VDR: variants seen among roughly 807,000 people sequenced by gnomAD.
VDR encodes the protein vitamin D3 receptor.
Under a neutral mutation model 39.7 loss-of-function variants are expected in VDR, and 19 were observed. The observed-to-expected ratio is 0.48, with a 90% confidence interval of 0.33 to 0.70. VDR has a LOEUF of 0.70. VDR is among the 30% of genes least tolerant of loss of function. The pLI is 0.02. For synonymous variants in VDR, 242 were observed against 215.8 expected, an observed-to-expected ratio of 1.12 and a Z score of -1.07; for missense variants, 442 against 570.5, an observed-to-expected ratio of 0.77 and a Z score of 2.29.
At chr12:47,868,296 G>C (rs1053175904) in intron 3 of VDR, among the ~76,000 whole-genome samples, 8 of 152,208 alleles carry the variant, frequency 5.3e-5, no homozygotes, top group Non-Finnish European at 7.4e-5. Context: ...GTACCCTGCT[G>C]TGACAACCCT....
At chr12:47,880,291 T>C (rs545079795) in intron 2 of VDR, among the ~76,000 whole-genome samples, 4 of 152,200 alleles carry the variant, frequency 2.6e-5, no homozygotes, top group East Asian at 1.9e-4. Context: ...CAGAGGCAGA[T>C]TCTGGGGGCC....
intron 3 of VDR, among the ~76,000 whole-genome samples, chr12:47,871,377 CTT>C (rs1491252318): frequency 5.6e-5 from 6 of 106,458 alleles, no homozygotes; most frequent in African/African-American, 1.3e-4. Flanking sequence ...CTCTCTCTCT[CTT>C]CCTTCCTTCC....
intron 7 of VDR, among the ~76,000 whole-genome samples, chr12:47,852,098 G>C (rs1945399250): frequency 1.3e-5 from 2 of 152,204 alleles, no homozygotes; most frequent in Admixed American, 6.5e-5. Context: ...CTTAGTGAAG[G>C]GGGCAGCATT....
intron 7 of VDR, among the ~76,000 whole-genome samples, chr12:47,847,884 A>T (rs2137125232): frequency 6.6e-6 from 1 of 152,334 alleles, no homozygotes; most frequent in African/African-American, 2.4e-5. Context: ...CTGGGACTAC[A>T]GGTGCACACC....
At chr12:47,887,902 T>C (rs1946287714) in intron 1 of VDR, among the ~76,000 whole-genome samples, 1 of 152,228 alleles carries the variant, frequency 6.6e-6, no homozygotes, top group African/African-American at 2.4e-5. Context: ...TGTTCTTCAT[T>C]AACCCTTTTG....
At chr12:47,873,171 C>T (rs370789608) in intron 3 of VDR, among the ~76,000 whole-genome samples, 1 of 152,030 alleles carries the variant, frequency 6.6e-6, no homozygotes, top group Non-Finnish European at 1.5e-5. Flanking sequence ...TCTTGTGATA[C>T]TGAGTGAGTT....
chr12:47,857,667 A>G lies in VDR; in HGVS notation c.299T>C (p.Val100Ala), dbSNP rs780886928. The change falls in exon 5 of 10, where the codon GTG (valine) becomes GCG (alanine). Residue 100 changes from valine to alanine, a missense_variant. Physicochemically the swap from Val to Ala is moderately conservative, Grantham distance 64 (BLOSUM62 0). Around this residue, in one of 5 missense-constraint regions of VDR, gnomAD observed 141 missense variants for 141.3 expected, o/e 1.00. Coordinates refer to ENST00000549336, the MANE Select transcript of VDR (RefSeq NM_000376.3). Reference sequence around the variant, plus strand: ...CAGGATCATCTCCCGCTTCCTCTGCACTTCCTCATCTGTCAGAATGACTGT... The same window carrying G: ...CAGGATCATCTCCCGCTTCCTCTGCGCTTCCTCATCTGTCAGAATGACTGT... ...MKEFILTDEE[V>A]QRKREMILKR... 55 of 1,613,906 alleles carry G rather than the reference A, an allele frequency of 3.4e-5. No homozygotes were observed. Among genetic ancestry groups the G allele is most frequent in the Non-Finnish European group, 4.7e-5 (55 of 1,179,976 alleles).
At chr12:47,877,259 G>A (rs2137197237) in intron 3 of VDR, among the ~76,000 whole-genome samples, 1 of 152,218 alleles carries the variant, frequency 6.6e-6, no homozygotes, top group South Asian at 2.1e-4. Flanking sequence ...CACGAGGAAA[G>A]TGGCTGGCTG....
intron 1 of VDR, among the ~76,000 whole-genome samples, chr12:47,884,037 T>G (rs746105376): frequency 2.0e-5 from 3 of 150,270 alleles, no homozygotes; most frequent in Non-Finnish European, 4.4e-5. Flanking sequence ...CTTTGCCCCC[T>G]CTGCTCCTAC....
chr12:47,899,212 C>T (rs983277422), intron 1 of VDR, among the ~76,000 whole-genome samples: 1 of 152,214 alleles, frequency 6.6e-6, no homozygotes, highest in Admixed American at 6.5e-5. Flanking sequence ...ACGGGCCTCT[C>T]ACAAGGACAG....
chr12:47,855,562 T>G, intron 7 of VDR, 68 bp downstream of exon 7: 1 of 1,584,418 alleles, frequency 6.3e-7, no homozygotes. Flanking sequence ...ATGAGTGATC[T>G]CCAACCCTTC....
chr12:47,877,424 A>G (rs1440404014), intron 3 of VDR, among the ~76,000 whole-genome samples: 1 of 152,192 alleles, frequency 6.6e-6, no homozygotes, highest in African/African-American at 2.4e-5. Flanking sequence ...TAATCCTCAG[A>G]TTAACACTAT....
At chr12:47,869,071 A>AG (rs1161165315) in intron 3 of VDR, among the ~76,000 whole-genome samples, 1 of 152,204 alleles carries the variant, frequency 6.6e-6, no homozygotes, top group Non-Finnish European at 1.5e-5. Flanking sequence ...ACTTGGGGGC[A>AG]GCCCCCCCAG....
intron 3 of VDR, among the ~76,000 whole-genome samples, chr12:47,878,167 C>T (rs1051353786): frequency 6.6e-6 from 1 of 152,222 alleles, no homozygotes; most frequent in Non-Finnish European, 1.5e-5. Flanking sequence ...CCAGTCTAGA[C>T]CGCTAGACAG....
chr12:47,894,591 T>C (rs1946431632), intron 1 of VDR, among the ~76,000 whole-genome samples: 1 of 152,032 alleles, frequency 6.6e-6, no homozygotes, highest in Non-Finnish European at 1.5e-5. Context: ...TTTCCAGAAC[T>C]CCCCCTGACC....
At position 47,855,721 on chromosome 12, in the gene VDR, A is replaced by G. The variant is rs745754581; in HGVS notation, c.664T>C (p.Ser222Pro). The G allele has an allele frequency of 6.2e-7, 1 of 1,614,140 alleles. No homozygotes were observed. The highest frequency in any genetic ancestry group is 2.2e-5 in the East Asian group (1 of 44,888). Reference sequence around the variant, plus strand: ...AGGTGGGGCAGCATGGAGAGCTGGGACAGCTCTAGGGTCACAGAAGGGTCA... The same window carrying G: ...AGGTGGGGCAGCATGGAGAGCTGGGGCAGCTCTAGGGTCACAGAAGGGTCA... ...SDDPSVTLEL[S>P]QLSMLPHLAD... The change falls in exon 7 of 10, where the codon TCC becomes CCC. Residue 222 changes from serine (S) to proline (P), a missense_variant. Ser to Pro is a moderately conservative substitution (Grantham distance 74). Around this residue, in one of 5 missense-constraint regions of VDR, gnomAD observed 5 missense variants for 27.7 expected, o/e 0.18. Coordinates refer to ENST00000549336, the MANE Select transcript of VDR (RefSeq NM_000376.3).
intron 3 of VDR, among the ~76,000 whole-genome samples, chr12:47,867,390 C>T (rs180727939): frequency 5.6e-4 from 81 of 144,164 alleles, no homozygotes; most frequent in Admixed American, 5.0e-3. Flanking sequence ...AAAAGTGGCA[C>T]CCTTGTAGCC....
chr12:47,848,763 C>T (rs1487064487), intron 7 of VDR, among the ~76,000 whole-genome samples: 2 of 152,024 alleles, frequency 1.3e-5, no homozygotes, highest in South Asian at 4.2e-4. Flanking sequence ...GACGGGGTTT[C>T]GCCATGTTGG....
rs1945214205 is a variant in VDR at position 47,843,692 on chromosome 12, C to A, written c.*1054G>T. 6.6e-6 allele frequency: 1 copy of A among 152,376 alleles called. No individual in the cohort carries two copies. The highest frequency in any genetic ancestry group is 2.4e-5 in the African/African-American group (1 of 41,452). 9.4% of individuals were successfully genotyped at this position (152,376 alleles called of 1,614,324 possible). On this transcript the variant is annotated 3_prime_UTR_variant, in exon 10 of 10. Transcript: ENST00000549336. ...CTCTCCCTTCCCACACTCTGGGGTGCGGCAGCGCTAGCTCTTAGCCCTGTG... is the reference window on the plus strand; with the variant it reads ...CTCTCCCTTCCCACACTCTGGGGTGAGGCAGCGCTAGCTCTTAGCCCTGTG...
Sources: gnomAD v4.1 joint callset for allele counts (sites outside exome capture counted in the v4.1 genomes callset) on GRCh38, gnomAD v4.1.1 for gene constraint, gnomAD v4.1.1 regional missense constraint, MANE v1.5 for transcripts, NCBI Gene and HGNC (gene_info 2026-07-23, HGNC 2026-07-21) for gene names.